Variants in FBXL17 observed in about 807,000 individuals in gnomAD.
FBXL17 encodes F-box/LRR-repeat protein 17.
FBXL17 carries 22 observed loss-of-function variants against 66.2 expected under a neutral mutation model. The ratio of observed to expected loss-of-function variants is 0.33; its 90% CI spans 0.24 to 0.47. The LOEUF (loss-of-function observed/expected upper bound fraction) is 0.47. Ranked by LOEUF, FBXL17 falls within the 20% of genes least tolerant of loss-of-function variation. FBXL17 has a pLI of 1.00. For synonymous variants in FBXL17, 474 were observed against 400.5 expected (o/e 1.18, Z -2.19); for missense variants, 878 against 948.2 (o/e 0.93, Z 0.97).
chr5:107,867,526 T>C (rs779378910), intron 8 of FBXL17, among the ~76,000 whole-genome samples: 14 of 152,260 alleles, frequency 9.2e-5, no homozygotes, highest in South Asian at 2.1e-4. Flanking sequence ...CTCTGGTGTT[T>C]ACAGCATCAG....
intron 7 of FBXL17, among the ~76,000 whole-genome samples, chr5:107,913,164 G>A (rs1365561445): frequency 6.6e-6 from 1 of 151,966 alleles, no homozygotes; most frequent in East Asian, 1.9e-4. Context: ...TGAGTTCATG[G>A]GGAGGGTAGA....
chr5:108,290,175 G>T (rs1199028684), intron 4 of FBXL17, among the ~76,000 whole-genome samples: 1 of 152,064 alleles, frequency 6.6e-6, no homozygotes, highest in African/African-American at 2.4e-5. Flanking sequence ...TTTCTTAGTG[G>T]TACATAAATT....
chr5:108,279,554 A>G (rs78202943), intron 4 of FBXL17, among the ~76,000 whole-genome samples: 1 of 144,310 alleles, frequency 6.9e-6, no homozygotes, highest in Middle Eastern at 3.5e-3. Context: ...CATCTTCAGG[A>G]AAAAAAAAAA....
chr5:108,381,807 T>TGCGCACACAC lies in FBXL17; in HGVS notation c.-126_-117dup. On this transcript the variant is annotated 5_prime_UTR_variant, in exon 1 of 9. Coordinates refer to ENST00000542267, the MANE Select transcript of FBXL17 (RefSeq NM_001163315.3). ...CGGCCCCCGGAGGGGTCGCCCTTCC[T>TGCGCACACAC]GCGCACACACACGCACACACGGGCA... 2.2e-6 allele frequency: 3 copies of TGCGCACACAC among 1,351,530 alleles called. No homozygotes were observed. Among genetic ancestry groups the TGCGCACACAC allele is most frequent in the Non-Finnish European group, 2.8e-6 (3 of 1,056,392 alleles). 83.7% of individuals were successfully genotyped at this position (1,351,530 alleles called of 1,614,324 possible). A position where few individuals can be genotyped will look rare whatever the true frequency, so the allele number is the denominator to read the frequency against.
At chr5:107,987,015 C>A (rs1753035858) in intron 7 of FBXL17, among the ~76,000 whole-genome samples, 1 of 151,734 alleles carries the variant, frequency 6.6e-6, no homozygotes, top group Non-Finnish European at 1.5e-5. Flanking sequence ...CGAATAAACT[C>A]AGGACAAAAA....
intron 8 of FBXL17, among the ~76,000 whole-genome samples, chr5:107,876,254 T>C (rs946366445): frequency 2.6e-5 from 4 of 152,154 alleles, no homozygotes; most frequent in African/African-American, 9.7e-5. Flanking sequence ...TTAAGCAAAA[T>C]GCTTTGCCAA....
At chr5:107,888,887 C>T (rs1028881174) in intron 7 of FBXL17, among the ~76,000 whole-genome samples, 1 of 151,976 alleles carries the variant, frequency 6.6e-6, no homozygotes, top group African/African-American at 2.4e-5. Context: ...GTAAGTGTTA[C>T]GTTTAACTTT....
At chr5:108,267,619 T>C (rs1012728990) in intron 4 of FBXL17, among the ~76,000 whole-genome samples, 18 of 152,070 alleles carry the variant, frequency 1.2e-4, no homozygotes, top group Admixed American at 9.2e-4. Context: ...TTTGTGCCTA[T>C]TCTGGGGCAG....
At chr5:108,133,833 T>A (rs1181411742) in intron 6 of FBXL17, among the ~76,000 whole-genome samples, 1 of 152,202 alleles carries the variant, frequency 6.6e-6, no homozygotes, top group Non-Finnish European at 1.5e-5. Context: ...TTTCCTTGTC[T>A]GTAAAAATGA....
chr5:108,195,013 A>G (rs933086294), intron 5 of FBXL17, among the ~76,000 whole-genome samples: 2 of 152,208 alleles, frequency 1.3e-5, no homozygotes, highest in African/African-American at 2.4e-5. Context: ...AAAAAATGCA[A>G]AAAGTATTAT....
chr5:108,235,165 T>C lies in FBXL17; in HGVS notation c.1507-10937A>G, dbSNP rs533066922. 2.4e-4 allele frequency among the ~76,000 whole-genome samples: 36 copies of C among 152,350 alleles called. No individual in the cohort carries two copies. The South Asian group carries it at 4.8e-3, about 20-fold the overall frequency. On this transcript the variant is annotated intron_variant, in intron 4 of 8. Coordinates refer to ENST00000542267, the MANE Select transcript of FBXL17 (RefSeq NM_001163315.3). ...TTTTAATACTGCCGGATTATAGAGT[T>C]AATCTGTGTAATTCTACATGCATGT...
chr5:108,207,596 T>A (rs1018400858), intron 5 of FBXL17, among the ~76,000 whole-genome samples: 3 of 152,090 alleles, frequency 2.0e-5, no homozygotes, highest in African/African-American at 7.2e-5. Context: ...TTTCTTGTCA[T>A]AGTTTGCTGA....
chr5:107,932,933 T>C (rs1580724612), intron 7 of FBXL17, among the ~76,000 whole-genome samples: 1 of 152,086 alleles, frequency 6.6e-6, no homozygotes. Context: ...GAATTGGATA[T>C]AAGGTCATGG....
intron 2 of FBXL17, among the ~76,000 whole-genome samples, chr5:108,365,818 A>G (rs1214177827): frequency 6.6e-6 from 1 of 152,046 alleles, no homozygotes; most frequent in Non-Finnish European, 1.5e-5. Context: ...GTTAGTGTGG[A>G]AAAACTCCAC....
At chr5:108,328,903 C>A (rs1759989698) in intron 4 of FBXL17, among the ~76,000 whole-genome samples, 1 of 151,952 alleles carries the variant, frequency 6.6e-6, no homozygotes. Flanking sequence ...CTGACTTAAT[C>A]CTAAAGTAAT....
At chr5:108,036,735 C>A (rs888021792) in intron 6 of FBXL17, among the ~76,000 whole-genome samples, 7 of 152,212 alleles carry the variant, frequency 4.6e-5, no homozygotes, top group Middle Eastern at 3.4e-3. Flanking sequence ...GCAGGACTCA[C>A]GCTTATCTTA....
At position 108,123,742 on chromosome 5, in the gene FBXL17, C is replaced by CA. The variant is rs377676956; in HGVS notation, c.1745+62374dup. The stretch of plus-strand genomic sequence containing the variant: ...TGTCTATAAACCAATGGAGCACACA[C>CA]AAAAAAAATCACTGCAAAATATGAG... On this transcript the variant is annotated intron_variant, in intron 6 of 8. Transcript: ENST00000542267. 2.9e-3 allele frequency among the ~76,000 whole-genome samples: 440 copies of CA among 151,824 alleles called. 2 individuals are homozygous for CA. The highest frequency in any genetic ancestry group is 9.4e-3 in the African/African-American group (391 of 41,436).
chr5:108,047,169 G>A (rs756754969), intron 6 of FBXL17, among the ~76,000 whole-genome samples: 2 of 152,248 alleles, frequency 1.3e-5, no homozygotes. Flanking sequence ...CTATGGAGGG[G>A]AAGGAAGAGT....
chr5:107,961,653 T>A (rs1434877664), intron 7 of FBXL17, among the ~76,000 whole-genome samples: 1 of 152,076 alleles, frequency 6.6e-6, no homozygotes, highest in Non-Finnish European at 1.5e-5. Flanking sequence ...ACAAAATGAG[T>A]CAAAACCTGG....
Sources: gnomAD v4.1 joint callset for allele counts (sites outside exome capture counted in the v4.1 genomes callset) on GRCh38, gnomAD v4.1.1 for gene constraint, MANE v1.5 for transcripts, NCBI Gene and HGNC (gene_info 2026-07-23, HGNC 2026-07-21) for gene names.